The following MAPK10 variants were observed in gnomAD, a reference collection of about 807,000 sequenced individuals.
MAPK10 encodes the protein mitogen-activated protein kinase 10.
In MAPK10, 25 loss-of-function variants were observed where a neutral mutation model predicts 59.3. The observed-to-expected ratio is 0.42, with a 90% CI of 0.31 to 0.59. The LOEUF is 0.59. Ranked by LOEUF, MAPK10 falls within the 20% of genes least tolerant of loss-of-function variation. The pLI, the probability that MAPK10 is intolerant of heterozygous loss-of-function variation, is 0.15. For missense variants in MAPK10, 351 were observed against 568.9 expected, an observed-to-expected ratio of 0.62 and a Z score of 3.90; for synonymous variants, 190 against 200.5, an observed-to-expected ratio of 0.95 and a Z score of 0.44.
chr4:86,492,617 G>A (rs1754553589), intron 1 of MAPK10, among the ~76,000 whole-genome samples: 1 of 152,106 alleles, frequency 6.6e-6, no homozygotes, highest in South Asian at 2.1e-4. Context: ...TATTTCCCAG[G>A]GTGGAGATTA....
chr4:86,132,645 C>T (rs999014825), intron 4 of MAPK10, among the ~76,000 whole-genome samples: 12 of 152,192 alleles, frequency 7.9e-5, no homozygotes, highest in African/African-American at 2.9e-4. Flanking sequence ...ACTGTATTTA[C>T]AGCCACTCAC....
chr4:86,140,739 C>G (rs1419347622), intron 4 of MAPK10, among the ~76,000 whole-genome samples: 1 of 151,812 alleles, frequency 6.6e-6, no homozygotes, highest in Admixed American at 6.6e-5. Flanking sequence ...CAACCAGCTA[C>G]AAATTACACA....
intron 1 of MAPK10, among the ~76,000 whole-genome samples, chr4:86,404,012 C>T (rs1418997462): frequency 6.6e-6 from 1 of 152,166 alleles, no homozygotes; most frequent in Admixed American, 6.5e-5. Context: ...ACCATTATGA[C>T]ATATTCAATA....
At chr4:86,161,208 C>T (rs193130622) in intron 3 of MAPK10, among the ~76,000 whole-genome samples, 1 of 152,022 alleles carries the variant, frequency 6.6e-6, no homozygotes, top group Non-Finnish European at 1.5e-5. Context: ...GACAGGAAAC[C>T]AAAAATTAAG....
At chr4:86,170,862 A>G (rs1452113766) in intron 3 of MAPK10, among the ~76,000 whole-genome samples, 1 of 150,752 alleles carries the variant, frequency 6.6e-6, no homozygotes, top group Non-Finnish European at 1.5e-5. Flanking sequence ...AACAGAAATT[A>G]TAACACACTA....
intron 1 of MAPK10, among the ~76,000 whole-genome samples, chr4:86,555,191 T>A (rs1760162268): frequency 6.6e-6 from 1 of 152,236 alleles, no homozygotes; most frequent in Non-Finnish European, 1.5e-5. Context: ...CTCATGCCTG[T>A]AATCCTAGCA....
At chr4:86,546,318 C>A (rs1435729959) in intron 1 of MAPK10, among the ~76,000 whole-genome samples, 1 of 151,766 alleles carries the variant, frequency 6.6e-6, no homozygotes, top group South Asian at 2.1e-4. Flanking sequence ...GAGGCTGAGA[C>A]GGGCAGATCA....
chr4:86,501,680 G>GCA (rs144986675), intron 1 of MAPK10, among the ~76,000 whole-genome samples: 5,499 of 146,894 alleles, frequency 0.037, 119 homozygotes, highest in Admixed American at 0.055. Context: ...GTGTGTGCAT[G>GCA]CACACACACA....
chr4:86,023,718 CATTGCTAATGTGTAGAAAT>C (rs1347487048), intron 13 of MAPK10, among the ~76,000 whole-genome samples: 1 of 146,598 alleles, frequency 6.8e-6, no homozygotes, highest in Non-Finnish European at 1.5e-5. Flanking sequence ...GTTTTATGTT[CATTGCTAATGTGTAGAAAT>C]ACAATTATAC....
chr4:86,218,568 C>CAAAAAAAAAAAAAAAAAAAAAA (rs11330422), intron 2 of MAPK10, among the ~76,000 whole-genome samples: 1 of 95,452 alleles, frequency 1.0e-5, no homozygotes, highest in African/African-American at 3.2e-5. Context: ...AAGACTTAAG[C>CAAAAAAAAAAAAAAAAAAAAAA]AAAAAAAAAA....
intron 13 of MAPK10, among the ~76,000 whole-genome samples, chr4:86,023,700 A>G (rs1434152512): frequency 1.3e-5 from 2 of 151,188 alleles, no homozygotes; most frequent in African/African-American, 4.9e-5. Context: ...GCTATTCTAA[A>G]TGGAATTGTT....
intron 2 of MAPK10, among the ~76,000 whole-genome samples, chr4:86,265,444 G>A (rs949750851): frequency 2.0e-5 from 3 of 151,700 alleles, no homozygotes; most frequent in Admixed American, 1.3e-4. Context: ...GGGAGGCGGA[G>A]GTTGCAGTGA....
chr4:86,132,507 T>C (rs2061190463), intron 4 of MAPK10, among the ~76,000 whole-genome samples: 1 of 152,192 alleles, frequency 6.6e-6, no homozygotes, highest in Admixed American at 6.5e-5. Context: ...TCAACAAAAA[T>C]TTACCTCTAA....
At chr4:86,208,716 C>A (rs2084905401) in intron 2 of MAPK10, among the ~76,000 whole-genome samples, 1 of 151,900 alleles carries the variant, frequency 6.6e-6, no homozygotes, top group South Asian at 2.1e-4. Flanking sequence ...TCCTATTCAA[C>A]ATAGTGTTGG....
chr4:86,566,442 G>A (rs1458835706), intron 1 of MAPK10, among the ~76,000 whole-genome samples: 2 of 152,120 alleles, frequency 1.3e-5, no homozygotes, highest in Non-Finnish European at 2.9e-5. Flanking sequence ...GGCCGGGCGC[G>A]GTGGCTCACG....
chr4:86,113,207 C>G (rs140324928), intron 4 of MAPK10, among the ~76,000 whole-genome samples: 2,910 of 152,194 alleles, frequency 0.019, 40 homozygotes, highest in South Asian at 0.065. Context: ...GTATTTAGCC[C>G]ATTTACATTT....
intron 2 of MAPK10, among the ~76,000 whole-genome samples, chr4:86,208,258 A>C (rs970285736): frequency 1.3e-5 from 2 of 151,512 alleles, no homozygotes; most frequent in African/African-American, 2.4e-5. Flanking sequence ...CATCATTCTG[A>C]TACCAAAGCC....
At chr4:86,298,850 TTC>T (rs1446556121) in intron 2 of MAPK10, among the ~76,000 whole-genome samples, 15 of 152,244 alleles carry the variant, frequency 9.9e-5, no homozygotes, top group Non-Finnish European at 1.6e-4. Flanking sequence ...GTGGTTTTGA[TTC>T]AGTTCTCTGT....
intron 2 of MAPK10, among the ~76,000 whole-genome samples, chr4:86,283,380 G>A: frequency 6.6e-6 from 1 of 152,194 alleles, no homozygotes; most frequent in Non-Finnish European, 1.5e-5. Flanking sequence ...GGGCAGCAGA[G>A]ACACAAAACT....
Sources: gnomAD v4.1 joint callset for allele counts (sites outside exome capture counted in the v4.1 genomes callset) on GRCh38, gnomAD v4.1.1 for gene constraint, MANE v1.5 for transcripts, NCBI Gene and HGNC (gene_info 2026-07-23, HGNC 2026-07-21) for gene names.